The following AFAP1 variants were observed in gnomAD, a reference collection of about 807,000 sequenced individuals.
The protein encoded by AFAP1 is actin filament associated protein 1, also known as actin filament-associated protein 1.
AFAP1 carries 75 observed loss-of-function variants against 93.9 expected under a neutral mutation model. The ratio of observed to expected loss-of-function variants is 0.80; its 90% CI spans 0.66 to 0.97. The LOEUF (loss-of-function observed/expected upper bound fraction) is 0.97, where lower values mean the gene tolerates loss of function less well. Ranked by LOEUF, AFAP1 falls within the 50% of genes least tolerant of loss-of-function variation. The probability of loss-of-function intolerance (pLI) is 0.00; values close to 1 mark genes in which losing one functional copy is unlikely to be tolerated. For missense variants in AFAP1, 1,201 were observed against 1,050.8 expected, an observed-to-expected ratio of 1.14 and a Z score of -1.98; for synonymous variants, 517 against 430.7, an observed-to-expected ratio of 1.20 and a Z score of -2.48.
intron 6 of AFAP1, among the ~76,000 whole-genome samples, chr4:7,819,677 C>T (rs770699269): frequency 2.0e-5 from 3 of 152,094 alleles, no homozygotes; most frequent in African/African-American, 4.8e-5. Flanking sequence ...GGGAATAACC[C>T]GGAGTGCAAA....
intron 3 of AFAP1, among the ~76,000 whole-genome samples, chr4:7,865,889 C>CTTGTT (rs796149328): frequency 1.3e-5 from 2 of 152,140 alleles, no homozygotes; most frequent in African/African-American, 2.4e-5. Flanking sequence ...GTTCTGTGGT[C>CTTGTT]TTGTTTTGTT....
chr4:7,799,786 T>G (rs1351987785), intron 10 of AFAP1, among the ~76,000 whole-genome samples: 1 of 152,150 alleles, frequency 6.6e-6, no homozygotes, highest in Non-Finnish European at 1.5e-5. Context: ...CTTTCAATAA[T>G]GAAAGTTTTG....
intron 6 of AFAP1, among the ~76,000 whole-genome samples, chr4:7,822,091 T>G (rs1022854042): frequency 3.1e-5 from 3 of 98,096 alleles, no homozygotes; most frequent in Non-Finnish European, 9.0e-5. Flanking sequence ...AGGTGTTTAT[T>G]AAGTCTCCAA....
chr4:7,840,524 G>C (rs1056092774), intron 5 of AFAP1, among the ~76,000 whole-genome samples: 21 of 152,140 alleles, frequency 1.4e-4, no homozygotes, highest in African/African-American at 3.9e-4. Flanking sequence ...AGATTGGCCA[G>C]GCTGGTCTCG....
chr4:7,847,974 T>C (rs536709472), intron 4 of AFAP1, among the ~76,000 whole-genome samples: 12 of 151,612 alleles, frequency 7.9e-5, no homozygotes, highest in African/African-American at 2.7e-4. Context: ...ACAGAAGCCA[T>C]AGGAGATTGA....
At position 7,872,037 on chromosome 4, in the gene AFAP1, G is replaced by A; in HGVS notation, c.42C>T (p.Leu14=). The A allele has an allele frequency of 6.2e-7, 1 of 1,614,096 alleles. No homozygotes were observed. Among genetic ancestry groups the A allele is most frequent in the Non-Finnish European group, 8.5e-7 (1 of 1,180,006 alleles). The change falls in exon 2 of 18, where the codon CTC becomes CTT. Residue 14 remains leucine, a synonymous_variant. Transcript: ENST00000420658. ...TTGAGGTTAGATATTCATGGTCCAG[G>A]AGTTCAAGAAAGAGACGAAGTTCAA... ...LIVELRLFLE[L]LDHEYLTSTV... is the part of the protein sequence containing the mutation.
At chr4:7,899,882 A>AAATAAATAAATAAATAAAT (rs1235195919) in intron 1 of AFAP1, among the ~76,000 whole-genome samples, 5 of 151,516 alleles carry the variant, frequency 3.3e-5, no homozygotes, top group African/African-American at 1.2e-4. Flanking sequence ...ATAAATAAAT[A>AAATAAATAAATAAATAAAT]AAAAAGGAAG....
intron 17 of AFAP1, among the ~76,000 whole-genome samples, chr4:7,764,367 C>G (rs958085653): frequency 6.6e-6 from 1 of 150,846 alleles, no homozygotes; most frequent in African/African-American, 2.4e-5. Flanking sequence ...GTAGCGAGAC[C>G]GCATCATGTC....
In AFAP1 at chr4:7,762,972, C is replaced by CTGTT. The variant is rs1166636711; in HGVS notation, c.*789_*792dup. 6.6e-6 allele frequency: 1 copy of CTGTT among 152,136 alleles called. No homozygotes were observed. Among genetic ancestry groups the CTGTT allele is most frequent in the Non-Finnish European group, 1.5e-5 (1 of 68,050 alleles). 9.4% of individuals were successfully genotyped at this position (152,136 alleles called of 1,614,324 possible). A position where few individuals can be genotyped will look rare whatever the true frequency, so the allele number is the denominator to read the frequency against. On this transcript the variant is annotated 3_prime_UTR_variant, in exon 18 of 18. Transcript: ENST00000420658. Reference sequence around the variant, plus strand: ...CTAGCCCAAGGGGGAGGAGGGTGTACTGTTAGTGAAGTATTAAAACCCTCT... The same window carrying CTGTT: ...CTAGCCCAAGGGGGAGGAGGGTGTACTGTTTGTTAGTGAAGTATTAAAACCCTCT...
intron 4 of AFAP1, among the ~76,000 whole-genome samples, chr4:7,846,651 G>A (rs188451988): frequency 2.6e-5 from 4 of 152,288 alleles, no homozygotes; most frequent in Admixed American, 6.5e-5. Context: ...CCACAAATAT[G>A]TTGTGAGCTC....
Position 7,786,217 on chromosome 4 carries a change from C to T in AFAP1, c.1507G>A (p.Asp503Asn), listed in dbSNP as rs752222681. ...ACCGAGCCGTTGATGCACGGGACATCGTCATAATGAAGTGCCGTCCCGCTG... is the reference window on the plus strand; with the variant it reads ...ACCGAGCCGTTGATGCACGGGACATTGTCATAATGAAGTGCCGTCCCGCTG... The part of the protein sequence containing the change: ...HPSGTALHYD[D>N]VPCINGSWEP... The change falls in exon 12 of 18, where the codon GAT (aspartate) becomes AAT (asparagine). Residue 503 changes from aspartate (D) to asparagine (N), a missense_variant. By Grantham distance (23) the Asp-to-Asn change is conservative. Coordinates refer to ENST00000420658, the MANE Select transcript of AFAP1 (RefSeq NM_001134647.2). 2.8e-5 allele frequency: 45 copies of T among 1,614,020 alleles called. No homozygotes were observed. The highest frequency in any genetic ancestry group is 3.7e-5 in the Non-Finnish European group (44 of 1,180,040).
At chr4:7,865,349 G>A (rs749354397) in intron 3 of AFAP1, among the ~76,000 whole-genome samples, 1 of 151,976 alleles carries the variant, frequency 6.6e-6, no homozygotes, top group Non-Finnish European at 1.5e-5. Flanking sequence ...GGCTGGGTAT[G>A]GTAGCTCACG....
chr4:7,899,713 GGAGCC>G (rs1719004146), intron 1 of AFAP1, among the ~76,000 whole-genome samples: 1 of 152,150 alleles, frequency 6.6e-6, no homozygotes, highest in African/African-American at 2.4e-5. Flanking sequence ...GAACCCTACA[GGAGCC>G]GAGGTTAGAC....
intron 15 of AFAP1, 57 bp downstream of exon 15, chr4:7,774,682 A>T: frequency 1.9e-6 from 3 of 1,573,690 alleles, no homozygotes; most frequent in Non-Finnish European, 2.6e-6. Context: ...AGCAGAATGA[A>T]ATCTCCAGTC....
At chr4:7,866,082 G>C (rs768141705) in intron 3 of AFAP1, among the ~76,000 whole-genome samples, 1 of 152,010 alleles carries the variant, frequency 6.6e-6, no homozygotes, top group Non-Finnish European at 1.5e-5. Flanking sequence ...TTTTAGTAGA[G>C]ACGGGGGTTT....
rs1025152013 is a variant in AFAP1 at position 7,843,339 on chromosome 4, C to T, written c.346G>A (p.Asp116Asn). 1.2e-6 allele frequency: 2 copies of T among 1,612,922 alleles called. No homozygotes were observed. Among genetic ancestry groups the T allele is most frequent in the South Asian group, 1.1e-5 (1 of 90,762 alleles). ...PEYITSNYDS[D>N]AMSSSYESYD... ...GACTCATAAGAGCTGCTCATCGCAT[C>T]GGAATCATAATCTGTAAAAAATAAA... is the stretch of plus-strand genomic sequence containing the variant. The change falls in exon 5 of 18, where the codon GAT becomes AAT. Residue 116 changes from aspartate to asparagine, a missense_variant. Asp to Asn is a conservative substitution (Grantham distance 23). Transcript: ENST00000420658.
intron 8 of AFAP1, among the ~76,000 whole-genome samples, chr4:7,812,666 G>A (rs1158124638): frequency 6.6e-6 from 1 of 152,194 alleles, no homozygotes; most frequent in African/African-American, 2.4e-5. Flanking sequence ...GCTGGCCCAT[G>A]AGGTGGGCAG....
intron 9 of AFAP1, among the ~76,000 whole-genome samples, chr4:7,809,044 G>A (rs1719777630): frequency 1.4e-5 from 2 of 140,158 alleles, no homozygotes; most frequent in East Asian, 5.1e-4. Context: ...ACGTGATAAG[G>A]AAGCTTAGTT....
intron 1 of AFAP1, among the ~76,000 whole-genome samples, chr4:7,919,720 G>A (rs931079608): frequency 6.6e-6 from 1 of 151,930 alleles, no homozygotes; most frequent in Non-Finnish European, 1.5e-5. Context: ...GTGGTTTGCT[G>A]CACCTATCAA....
Sources: gnomAD v4.1 joint callset for allele counts (sites outside exome capture counted in the v4.1 genomes callset) on GRCh38, gnomAD v4.1.1 for gene constraint, MANE v1.5 for transcripts, NCBI Gene and HGNC (gene_info 2026-07-23, HGNC 2026-07-21) for gene names.